The following SPECC1 variants were observed in gnomAD, a reference collection of about 807,000 sequenced individuals.
SPECC1 encodes the protein sperm antigen with calponin homology and coiled-coil domains 1.
A neutral mutation model predicts 104.1 loss-of-function variants in SPECC1; 62 were observed. The ratio of observed to expected loss-of-function variants is 0.60; its 90% confidence interval spans 0.49 to 0.74. The LOEUF (loss-of-function observed/expected upper bound fraction) is 0.74. Ranked by LOEUF, SPECC1 falls within the 30% of genes least tolerant of loss-of-function variation. The pLI, the probability that SPECC1 is intolerant of heterozygous loss-of-function variation, is 0.00. For synonymous variants in SPECC1, 513 were observed against 501.6 expected (o/e 1.02, Z -0.30); for missense variants, 1,306 against 1,310.5 (o/e 1.00, Z 0.05).
rs578259226 is a variant in SPECC1, at chr17:20,080,078, CTT to C, written c.-21-16552_-21-16551del. ...TACTTATTACAGTTCCTAAAACTGA[CTT>C]AACATTATTAATGTATCTTGAAAGG... On this transcript the variant is annotated intron_variant, in intron 1 of 14. Transcript: ENST00000395527. Among the ~76,000 whole-genome samples the C allele has an allele frequency of 4.1e-3, 622 of 152,284 alleles. 3 individuals carry two copies. Among genetic ancestry groups the C allele is most frequent in the Middle Eastern group, 0.01 (3 of 294 alleles).
At chr17:20,107,200 G>T (rs1474103840) in intron 2 of SPECC1, among the ~76,000 whole-genome samples, 7 of 147,236 alleles carry the variant, frequency 4.8e-5, no homozygotes, top group African/African-American at 1.8e-4. Flanking sequence ...ATGTGATTAT[G>T]CTGACATCTA....
intron 1 of SPECC1, among the ~76,000 whole-genome samples, chr17:20,010,796 T>C (rs2043917418): frequency 6.6e-6 from 1 of 152,232 alleles, no homozygotes; most frequent in African/African-American, 2.4e-5. Context: ...TTAGGGAGCA[T>C]TCCCTCTGTA....
At position 20,246,046 on chromosome 17, in the gene SPECC1, C is replaced by G; in HGVS notation, c.2472C>G (p.Ile824Met). Residue 824 changes from isoleucine to methionine, a missense_variant, in exon 8 of 15, where the codon ATC becomes ATG. Transcript: ENST00000395527. ...CGGCAACCACCGTTAAGTCACTTATCAAGTCATTTGACTTGGGACGCCCAG... is the reference window on the plus strand; with the variant it reads ...CGGCAACCACCGTTAAGTCACTTATGAAGTCATTTGACTTGGGACGCCCAG... The part of the protein sequence containing the change: ...PESATTVKSL[I>M]KSFDLGRPGG... 1 of 1,614,184 alleles carries G rather than the reference C, an allele frequency of 6.2e-7. No individual in the cohort carries two copies. The highest frequency in any genetic ancestry group is 1.1e-5 in the South Asian group (1 of 91,086).
chr17:20,124,782 G>A (rs2049203445), intron 3 of SPECC1, among the ~76,000 whole-genome samples: 2 of 152,084 alleles, frequency 1.3e-5, no homozygotes, highest in South Asian at 4.2e-4. Context: ...CTACATTTGG[G>A]CAAAATCATC....
intron 1 of SPECC1, among the ~76,000 whole-genome samples, chr17:20,074,276 C>T (rs907837341): frequency 2.0e-5 from 3 of 152,264 alleles, no homozygotes; most frequent in African/African-American, 7.2e-5. Flanking sequence ...CTGGGCAATA[C>T]ATACATTGTG....
chr17:20,099,295 C>CAT (rs2152508542), intron 2 of SPECC1, among the ~76,000 whole-genome samples: 1 of 151,986 alleles, frequency 6.6e-6, no homozygotes, highest in East Asian at 1.9e-4. Flanking sequence ...CAATAAGCAA[C>CAT]ATATAAACTT....
rs576395247 is a variant in SPECC1 at position 20,311,111 on chromosome 17, T to G, written c.3118-2865T>G. On this transcript the variant is annotated intron_variant, in intron 14 of 14. Coordinates refer to ENST00000395527, the MANE Select transcript of SPECC1 (RefSeq NM_001243439.2). Reference sequence around the variant, plus strand: ...TTAGACCTTAGTGGGGTTTTTTTTTTTTTTTTTTTGGTGCTATTGTAAATG... The same window carrying G: ...TTAGACCTTAGTGGGGTTTTTTTTTGTTTTTTTTTGGTGCTATTGTAAATG... Among the ~76,000 whole-genome samples, 24 of 151,950 alleles carry G rather than the reference T, an allele frequency of 1.6e-4. 1 individual carries two copies. In the East Asian group the frequency reaches 3.1e-3, roughly 20 times the overall value.
intron 1 of SPECC1, among the ~76,000 whole-genome samples, chr17:20,094,638 T>A (rs903595304): frequency 1.3e-5 from 2 of 151,638 alleles, no homozygotes; most frequent in African/African-American, 4.9e-5. Context: ...AAAATCATCC[T>A]ATGTTTTCAT....
intron 3 of SPECC1, among the ~76,000 whole-genome samples, chr17:20,180,087 G>GT (rs2034765151): frequency 6.6e-6 from 1 of 152,112 alleles, no homozygotes; most frequent in Non-Finnish European, 1.5e-5. Flanking sequence ...GAAATGGCAG[G>GT]TAACTACTAA....
At chr17:20,239,164 T>TTAC (rs2039077768) in intron 7 of SPECC1, 1 of 1,026,244 alleles carries the variant, frequency 9.7e-7, no homozygotes. Context: ...TAGCATGGAC[T>TTAC]TAAAGTCTAG....
chr17:20,051,969 A>G (rs2045791031), intron 1 of SPECC1, among the ~76,000 whole-genome samples: 1 of 152,170 alleles, frequency 6.6e-6, no homozygotes, highest in South Asian at 2.1e-4. Context: ...CATTTCCCCA[A>G]CTGTCCAAAG....
rs767860033 is a variant in SPECC1 at position 20,314,008 on chromosome 17, C to T, written c.3150C>T (p.Pro1050=). The T allele has an allele frequency of 2.3e-5, 37 of 1,614,022 alleles. No homozygotes were observed. The highest frequency in any genetic ancestry group is 3.3e-4 in the Middle Eastern group (2 of 6,084). ...ELSEMLYTDR[P]DWQSVMQYVA... ...GCGAGATGCTGTACACAGACCGGCCCGACTGGCAGAGTGTGATGCAGTACG... is the reference window on the plus strand; with the variant it reads ...GCGAGATGCTGTACACAGACCGGCCTGACTGGCAGAGTGTGATGCAGTACG... The change falls in exon 15 of 15, where the codon CCC becomes CCT. Residue 1050 remains proline (P), a synonymous_variant. Coordinates refer to ENST00000395527, the MANE Select transcript of SPECC1 (RefSeq NM_001243439.2).
chr17:20,151,724 C>T (rs1277952795), intron 3 of SPECC1, among the ~76,000 whole-genome samples: 1 of 152,198 alleles, frequency 6.6e-6, no homozygotes, highest in Non-Finnish European at 1.5e-5. Context: ...GTGTGACTGC[C>T]ACAACCTGAC....
At chr17:20,271,826 G>A (rs2040420036) in intron 12 of SPECC1, among the ~76,000 whole-genome samples, 1 of 151,002 alleles carries the variant, frequency 6.6e-6, no homozygotes, top group South Asian at 2.1e-4. Context: ...TTCATAGATG[G>A]TAAAATTTTA....
intron 1 of SPECC1, among the ~76,000 whole-genome samples, chr17:20,012,451 A>G (rs2043976589): frequency 6.6e-6 from 1 of 151,946 alleles, no homozygotes; most frequent in Non-Finnish European, 1.5e-5. Context: ...TTATGTGCTT[A>G]AAGGTTCACA....
intron 12 of SPECC1, among the ~76,000 whole-genome samples, chr17:20,264,626 C>G (rs1415725233): frequency 1.3e-5 from 2 of 151,866 alleles, no homozygotes; most frequent in African/African-American, 4.8e-5. Context: ...TGCACCCCAC[C>G]ACACCTGGCT....
chr17:20,031,661 G>A (rs770110922), intron 1 of SPECC1, among the ~76,000 whole-genome samples: 27 of 152,038 alleles, frequency 1.8e-4, no homozygotes, highest in Admixed American at 3.3e-4. Context: ...ATAACTCCAC[G>A]TTACTCCCTC....
At chr17:20,194,133 A>G (rs1289372415) in intron 3 of SPECC1, among the ~76,000 whole-genome samples, 1 of 152,184 alleles carries the variant, frequency 6.6e-6, no homozygotes, top group Admixed American at 6.5e-5. Context: ...TATTTTTCAC[A>G]TAGGCTTTTT....
At chr17:20,055,064 T>C (rs138487115) in intron 1 of SPECC1, among the ~76,000 whole-genome samples, 7 of 152,328 alleles carry the variant, frequency 4.6e-5, no homozygotes, top group African/African-American at 1.7e-4. Flanking sequence ...TGCAACGTTA[T>C]GTTCGTTGAT....
Sources: allele counts gnomAD v4.1 joint callset (sites outside exome capture counted in the v4.1 genomes callset), GRCh38; gene constraint gnomAD v4.1.1; transcripts MANE v1.5; gene names NCBI Gene and HGNC (gene_info 2026-07-23, HGNC 2026-07-21).